Variants in NPAS3 observed in about 807,000 individuals in gnomAD.
NPAS3 encodes the protein neuronal PAS domain protein 3, also known as neuronal PAS domain-containing protein 3.
Under a neutral mutation model 73.1 loss-of-function variants are expected in NPAS3, and 14 were observed. The ratio of observed to expected loss-of-function variants is 0.19; its 90% CI spans 0.13 to 0.30. The LOEUF (loss-of-function observed/expected upper bound fraction) is 0.30, where lower values mean the gene tolerates loss of function less well. Ranked by LOEUF, NPAS3 falls within the 10% of genes least tolerant of loss-of-function variation. The pLI, the probability that NPAS3 is intolerant of heterozygous loss-of-function variation, is 1.00. For missense variants in NPAS3, 1,096 were observed against 1,250.0 expected, an observed-to-expected ratio of 0.88 and a Z score of 1.86; for synonymous variants, 620 against 541.5, an observed-to-expected ratio of 1.14 and a Z score of -2.01.
intron 1 of NPAS3, among the ~76,000 whole-genome samples, chr14:33,025,440 A>C (rs2039766764): frequency 6.6e-6 from 1 of 152,230 alleles, no homozygotes; most frequent in Admixed American, 6.5e-5. Flanking sequence ...ACCTACTCCC[A>C]ATCATAGATA....
chr14:33,405,164 C>A (rs561724540), intron 4 of NPAS3, among the ~76,000 whole-genome samples: 1 of 152,030 alleles, frequency 6.6e-6, no homozygotes, highest in Non-Finnish European at 1.5e-5. Context: ...CATGTTGCTG[C>A]AGCTCTCTGT....
chr14:33,240,962 C>T (rs768784921), intron 3 of NPAS3, among the ~76,000 whole-genome samples: 2 of 152,000 alleles, frequency 1.3e-5, no homozygotes, highest in South Asian at 4.2e-4. Flanking sequence ...TCCTCCCTCT[C>T]CAGACCACTA....
intron 7 of NPAS3, among the ~76,000 whole-genome samples, chr14:33,745,872 C>T (rs1425038727): frequency 1.3e-5 from 2 of 152,182 alleles, no homozygotes; most frequent in Non-Finnish European, 2.9e-5. Context: ...AAAAGAAGCA[C>T]ATACCAAATG....
chr14:33,243,720 G>C (rs550314514), intron 3 of NPAS3, among the ~76,000 whole-genome samples: 1 of 151,538 alleles, frequency 6.6e-6, no homozygotes, highest in East Asian at 1.9e-4. Flanking sequence ...CATTGGCCTA[G>C]AGCACCATGG....
At chr14:33,720,916 G>A (rs1302874678) in intron 6 of NPAS3, among the ~76,000 whole-genome samples, 1 of 152,110 alleles carries the variant, frequency 6.6e-6, no homozygotes. Flanking sequence ...GGGCTCTTGG[G>A]TAGTGAAAAT....
intron 2 of NPAS3, among the ~76,000 whole-genome samples, chr14:33,142,524 A>G (rs2044091929): frequency 6.6e-6 from 1 of 152,090 alleles, no homozygotes; most frequent in African/African-American, 2.4e-5. Flanking sequence ...TACTGCTTTA[A>G]TTGCCATATT....
chr14:33,572,178 T>G (rs17101556), intron 5 of NPAS3, among the ~76,000 whole-genome samples: 23,687 of 152,146 alleles, frequency 0.16, 2,136 homozygotes, highest in East Asian at 0.33. Flanking sequence ...TTCAGAGGTA[T>G]TATTATTCTA....
Position 33,194,489 on chromosome 14 carries a change from T to A in NPAS3, c.141-20693T>A, listed in dbSNP as rs144947916. Among the ~76,000 whole-genome samples the A allele has an allele frequency of 7.3e-3, 1,112 of 152,328 alleles. 11 individuals carry two copies. Among genetic ancestry groups the A allele is most frequent in the African/African-American group, 0.025 (1,035 of 41,556 alleles). On this transcript the variant is annotated intron_variant, in intron 2 of 11. Coordinates refer to ENST00000356141, the Ensembl canonical transcript of NPAS3. ...AAGTGAAATTAACTTAAACAGTGTT[T>A]ATACTATTAAAAATTCTCTACGTAT... is the stretch of plus-strand genomic sequence containing the variant.
chr14:33,759,379 T>C (rs2062213200), intron 7 of NPAS3, among the ~76,000 whole-genome samples: 1 of 152,240 alleles, frequency 6.6e-6, no homozygotes, highest in African/African-American at 2.4e-5. Flanking sequence ...GGAAGCTCAG[T>C]ATATTGTCTT....
chr14:33,240,905 AC>A, intron 3 of NPAS3, among the ~76,000 whole-genome samples: 2 of 151,890 alleles, frequency 1.3e-5, no homozygotes, highest in East Asian at 3.8e-4. Flanking sequence ...ACTAATAATT[AC>A]AACACTTCCC....
intron 2 of NPAS3, among the ~76,000 whole-genome samples, chr14:33,079,881 G>A (rs2041809973): frequency 6.6e-6 from 1 of 152,040 alleles, no homozygotes; most frequent in Admixed American, 6.6e-5. Flanking sequence ...CCAAGGTGCT[G>A]GGATTACAGG....
intron 3 of NPAS3, among the ~76,000 whole-genome samples, chr14:33,235,328 T>C (rs1192412364): frequency 6.6e-6 from 1 of 152,084 alleles, no homozygotes; most frequent in Non-Finnish European, 1.5e-5. Context: ...GAATTTGTGG[T>C]CTTTTTGTTC....
chr14:33,051,081 T>A (rs901536098), intron 1 of NPAS3, among the ~76,000 whole-genome samples: 2 of 151,376 alleles, frequency 1.3e-5, no homozygotes, highest in Non-Finnish European at 2.9e-5. Context: ...GAGACCATCC[T>A]GGCTAACAAG....
At chr14:33,191,196 C>T (rs142958322) in intron 2 of NPAS3, among the ~76,000 whole-genome samples, 3 of 152,090 alleles carry the variant, frequency 2.0e-5, no homozygotes, top group Admixed American at 6.5e-5. Flanking sequence ...GCCTTTAACC[C>T]GAAGGTGAGT....
At chr14:33,048,605 A>G (rs2040594272) in intron 1 of NPAS3, among the ~76,000 whole-genome samples, 1 of 152,180 alleles carries the variant, frequency 6.6e-6, no homozygotes, top group Non-Finnish European at 1.5e-5. Flanking sequence ...AGTGCCTCAA[A>G]CCATGTAGAA....
chr14:33,178,568 A>G (rs551674779), intron 2 of NPAS3, among the ~76,000 whole-genome samples: 71 of 152,246 alleles, frequency 4.7e-4, no homozygotes, highest in Admixed American at 8.5e-4. Flanking sequence ...ATTTCTAGGT[A>G]TTCTTTTAGA....
intron 3 of NPAS3, among the ~76,000 whole-genome samples, chr14:33,340,119 G>A (rs568282158): frequency 6.6e-6 from 1 of 152,168 alleles, no homozygotes; most frequent in Non-Finnish European, 1.5e-5. Context: ...TTTATTCATA[G>A]CTTATTACAC....
At chr14:32,946,065 A>G (rs1005079301) in intron 1 of NPAS3, among the ~76,000 whole-genome samples, 5 of 152,184 alleles carry the variant, frequency 3.3e-5, no homozygotes, top group African/African-American at 1.2e-4. Context: ...CTGTCTCATA[A>G]GGCTTTCTGA....
At chr14:33,259,324 A>G (rs934434282) in intron 3 of NPAS3, among the ~76,000 whole-genome samples, 1 of 152,156 alleles carries the variant, frequency 6.6e-6, no homozygotes, top group Non-Finnish European at 1.5e-5. Context: ...CTACAACAAA[A>G]AGTGTCACTG....
Sources: allele counts gnomAD v4.1 joint callset (sites outside exome capture counted in the v4.1 genomes callset), GRCh38; gene constraint gnomAD v4.1.1; transcripts MANE v1.5; gene names NCBI Gene and HGNC (gene_info 2026-07-23, HGNC 2026-07-21).